Variants in JADE3 observed in about 807,000 individuals in gnomAD.
JADE3 encodes the protein protein Jade-3.
Under a neutral mutation model 50.1 loss-of-function variants are expected in JADE3, and 2 were observed. That is an observed-to-expected ratio of 0.04 (90% CI 0.02 to 0.13). The LOEUF (loss-of-function observed/expected upper bound fraction) is 0.13. Ranked by LOEUF, JADE3 falls within the 10% of genes least tolerant of loss-of-function variation. The pLI, the probability that JADE3 is intolerant of heterozygous loss-of-function variation, is 1.00. For missense variants in JADE3, 475 were observed against 634.4 expected, an observed-to-expected ratio of 0.75 and a Z score of 2.70; for synonymous variants, 218 against 232.9, an observed-to-expected ratio of 0.94 and a Z score of 0.58.
intron 1 of JADE3, among the ~76,000 whole-genome samples, chrX:46,969,824 C>T (rs1306072373): frequency 1.8e-5 from 2 of 111,943 alleles, no homozygotes; most frequent in Non-Finnish European, 3.8e-5. Flanking sequence ...AGCGAAACTC[C>T]ATCTCAAAAA....
intron 1 of JADE3, among the ~76,000 whole-genome samples, chrX:46,956,588 G>A (rs782784014): frequency 1.7e-4 from 18 of 103,471 alleles, no homozygotes; most frequent in Admixed American, 7.2e-4. Flanking sequence ...GTGCGGTCGC[G>A]CAATCATGGC....
At chrX:47,011,391 A>T (rs1427460509) in intron 4 of JADE3, among the ~76,000 whole-genome samples, 1 of 112,260 alleles carries the variant, frequency 8.9e-6, no homozygotes, top group Non-Finnish European at 1.9e-5. Flanking sequence ...TCAGCAGTTG[A>T]TGGATATTTG....
chrX:47,049,525 C>T (rs1241544190), intron 8 of JADE3, among the ~76,000 whole-genome samples: 2 of 106,753 alleles, frequency 1.9e-5, no homozygotes, highest in African/African-American at 3.4e-5. Flanking sequence ...GGCACAATCA[C>T]GGCTCACTGC....
intron 1 of JADE3, among the ~76,000 whole-genome samples, chrX:46,944,474 G>A (rs1353020264): frequency 1.8e-5 from 2 of 109,362 alleles, no homozygotes; most frequent in African/African-American, 6.7e-5. Flanking sequence ...CCCAACTAAT[G>A]TTTTTGTATT....
At chrX:46,971,931 GA>G (rs1388797380) in intron 1 of JADE3, among the ~76,000 whole-genome samples, 1 of 110,208 alleles carries the variant, frequency 9.1e-6, no homozygotes, top group Non-Finnish European at 1.9e-5. Flanking sequence ...AGAAATTAGG[GA>G]TTGGGGTGGG....
At chrX:46,928,554 A>G (rs1569534153) in intron 1 of JADE3, among the ~76,000 whole-genome samples, 1 of 110,775 alleles carries the variant, frequency 9.0e-6, no homozygotes, top group Non-Finnish European at 1.9e-5. Context: ...TTGTGTAAAA[A>G]AAAATTACAT....
At chrX:46,940,728 T>C (rs1418728421) in intron 1 of JADE3, among the ~76,000 whole-genome samples, 1 of 110,934 alleles carries the variant, frequency 9.0e-6, no homozygotes, top group Admixed American at 9.6e-5. Flanking sequence ...CAGAAGCCTA[T>C]TGAGATGTCC....
intron 1 of JADE3, among the ~76,000 whole-genome samples, chrX:46,934,040 G>A (rs782622591): frequency 3.6e-5 from 4 of 111,983 alleles, no homozygotes; most frequent in African/African-American, 1.3e-4. Context: ...AATAGTCTGG[G>A]TAAAAATCCT....
chrX:46,938,913 C>T (rs1400553439), intron 1 of JADE3, among the ~76,000 whole-genome samples: 4 of 112,282 alleles, frequency 3.6e-5, no homozygotes, highest in South Asian at 3.7e-4. Context: ...CTGCAACCTC[C>T]GCCTCCCTGG....
Position 47,061,126 on chromosome X carries a change from T to G in JADE3, c.*2049T>G, listed in dbSNP as rs1378349460. ...TGTTTGAAGTATTACCTCTTAACCT[T>G]CTTTGTTAATTTTTTTCATTTTGTC... On this transcript the variant is annotated 3_prime_UTR_variant, in exon 11 of 11. Transcript: ENST00000614628. 8.9e-6 allele frequency: 1 copy of G among 112,127 alleles called. No homozygotes were observed. The highest frequency in any genetic ancestry group is 1.9e-5 in the Non-Finnish European group (1 of 53,162). 9.2% of individuals were successfully genotyped at this position (112,127 alleles called of 1,213,427 possible).
intron 1 of JADE3, among the ~76,000 whole-genome samples, chrX:46,924,504 T>TGGAGATGGTAGC (rs1219855948): frequency 8.9e-6 from 1 of 112,168 alleles, no homozygotes; most frequent in Non-Finnish European, 1.9e-5. Context: ...TTAGTGAGAG[T>TGGAGATGGTAGC]GGAGATGGTA....
chrX:47,048,614 G>A (rs1556371217), intron 8 of JADE3, among the ~76,000 whole-genome samples: 1 of 111,916 alleles, frequency 8.9e-6, no homozygotes, highest in Non-Finnish European at 1.9e-5. Context: ...CCACTTATAT[G>A]AAATGTCCAG....
At chrX:47,040,032 G>C (rs1395944920) in intron 8 of JADE3, among the ~76,000 whole-genome samples, 3 of 111,860 alleles carry the variant, frequency 2.7e-5, no homozygotes, top group African/African-American at 9.7e-5. Context: ...GATGGGATTG[G>C]GAAGGGCCAG....
intron 1 of JADE3, among the ~76,000 whole-genome samples, chrX:46,922,709 CTT>C (rs1556338017): frequency 9.1e-6 from 1 of 109,931 alleles, no homozygotes; most frequent in Non-Finnish European, 1.9e-5. Flanking sequence ...GTTTCTATCT[CTT>C]TGCTGAAATT....
chrX:46,991,058 CTCACTCCCTCCCT>C (rs1927986897), intron 3 of JADE3, among the ~76,000 whole-genome samples: 4 of 8,737 alleles, frequency 4.6e-4, no homozygotes, highest in South Asian at 5.3e-3. Flanking sequence ...CCCTCCCTCC[CTCACTCCCTCCCT>C]CCCCCCCCCC....
intron 4 of JADE3, among the ~76,000 whole-genome samples, chrX:47,012,554 C>G (rs951866711): frequency 9.1e-6 from 1 of 110,234 alleles, no homozygotes; most frequent in African/African-American, 3.3e-5. Context: ...GCACTCCAGC[C>G]TGGGTGACAG....
At chrX:47,039,221 T>C in intron 8 of JADE3, among the ~76,000 whole-genome samples, 156 bp downstream of exon 8, 1 of 111,154 alleles carries the variant, frequency 9.0e-6, no homozygotes, top group South Asian at 3.9e-4. Context: ...GGAAATCCCT[T>C]TTTTGGATAT....
intron 8 of JADE3, among the ~76,000 whole-genome samples, chrX:47,041,822 C>T (rs1929265206): frequency 9.1e-6 from 1 of 109,622 alleles, no homozygotes; most frequent in Non-Finnish European, 1.9e-5. Context: ...ATTACAGGCA[C>T]ACACCACCAC....
intron 4 of JADE3, 113 bp downstream of exon 4, chrX:46,998,390 C>A: frequency 1.6e-6 from 1 of 629,945 alleles, no homozygotes; most frequent in Non-Finnish European, 2.5e-6. Context: ...AAGTCACATA[C>A]CATTTTCACC....
Sources: allele counts gnomAD v4.1 joint callset (sites outside exome capture counted in the v4.1 genomes callset), GRCh38; gene constraint gnomAD v4.1.1; transcripts MANE v1.5; gene names NCBI Gene and HGNC (gene_info 2026-07-23, HGNC 2026-07-21).